Variants in LRBA observed in about 807,000 individuals in gnomAD.
LRBA encodes lipopolysaccharide-responsive and beige-like anchor protein.
In LRBA, 176 loss-of-function variants were observed where a neutral mutation model predicts 330.0. The observed-to-expected ratio is 0.53, with a 90% CI of 0.47 to 0.60. The LOEUF (loss-of-function observed/expected upper bound fraction) is 0.60. Ranked by LOEUF, LRBA falls within the 20% of genes least tolerant of loss-of-function variation. The probability of loss-of-function intolerance (pLI) is 0.00; values close to 1 mark genes in which losing one functional copy is unlikely to be tolerated. For missense variants in LRBA, 3,259 were observed against 3,444.8 expected, an observed-to-expected ratio of 0.95 and a Z score of 1.35; for synonymous variants, 1,230 against 1,193.0, an observed-to-expected ratio of 1.03 and a Z score of -0.64.
chr4:150,777,972 CAAAAAAAAAA>C (rs57988391), intron 34 of LRBA, among the ~76,000 whole-genome samples: 6 of 65,650 alleles, frequency 9.1e-5, no homozygotes, highest in South Asian at 5.9e-4. Flanking sequence ...GACTCTGTTT[CAAAAAAAAAA>C]AAAAAAAAAA....
intron 47 of LRBA, among the ~76,000 whole-genome samples, chr4:150,374,507 A>T (rs1358855253): frequency 1.3e-5 from 2 of 152,234 alleles, no homozygotes; most frequent in Non-Finnish European, 2.9e-5. Context: ...TGCTCTCTGT[A>T]CTATTACATG....
chr4:150,619,575 T>C (rs1183347602), intron 37 of LRBA, among the ~76,000 whole-genome samples: 1 of 152,142 alleles, frequency 6.6e-6, no homozygotes, highest in Non-Finnish European at 1.5e-5. Flanking sequence ...ATATCAACCA[T>C]CTTGTAACAG....
chr4:150,661,618 T>C (rs1190478209), intron 37 of LRBA, among the ~76,000 whole-genome samples: 1 of 152,034 alleles, frequency 6.6e-6, no homozygotes, highest in African/African-American at 2.4e-5. Context: ...TTTTATTTTA[T>C]TTTTATTTTT....
At chr4:151,005,458 A>C (rs930377136) in intron 2 of LRBA, among the ~76,000 whole-genome samples, 62 of 151,196 alleles carry the variant, frequency 4.1e-4, no homozygotes, top group Non-Finnish European at 6.5e-4. Flanking sequence ...AAAAAAAAAA[A>C]AAAAAACCCT....
chr4:150,657,092 C>T (rs1780266389), intron 37 of LRBA, among the ~76,000 whole-genome samples: 1 of 152,140 alleles, frequency 6.6e-6, no homozygotes, highest in Admixed American at 6.5e-5. Flanking sequence ...CAGCTTAGCA[C>T]AGAAGGGGGA....
At chr4:150,269,926 A>T (rs2034823854) in intron 56 of LRBA, among the ~76,000 whole-genome samples, 1 of 152,212 alleles carries the variant, frequency 6.6e-6, no homozygotes, top group African/African-American at 2.4e-5. Context: ...TCTGGGCAAA[A>T]GAGTGAGACC....
chr4:150,612,627 T>C (rs1379372696), intron 37 of LRBA, among the ~76,000 whole-genome samples: 2 of 152,214 alleles, frequency 1.3e-5, no homozygotes, highest in Admixed American at 1.3e-4. Flanking sequence ...TGGTTCTCAA[T>C]GACCATCTCT....
chr4:150,531,369 T>A (rs772005565), intron 40 of LRBA, among the ~76,000 whole-genome samples: 16 of 152,208 alleles, frequency 1.1e-4, no homozygotes, highest in Admixed American at 2.6e-4. Flanking sequence ...TTCCATTTAC[T>A]GTTCCCTCTG....
At chr4:150,349,904 A>C in intron 48 of LRBA, 88 bp downstream of exon 48, 1 of 1,157,410 alleles carries the variant, frequency 8.6e-7, no homozygotes, top group Non-Finnish European at 1.2e-6. Context: ...TTCATCACTA[A>C]AATCAAAGGA....
At chr4:150,401,813 A>G (rs1205567105) in intron 47 of LRBA, among the ~76,000 whole-genome samples, 1 of 152,092 alleles carries the variant, frequency 6.6e-6, no homozygotes, top group Non-Finnish European at 1.5e-5. Flanking sequence ...GAAGTATGTA[A>G]CTTACCTTAA....
At chr4:150,755,192 A>AAGAC (rs1248578707) in intron 35 of LRBA, among the ~76,000 whole-genome samples, 1 of 152,220 alleles carries the variant, frequency 6.6e-6, no homozygotes, top group African/African-American at 2.4e-5. Context: ...GCTCAGAAAG[A>AAGAC]AGACATGCAA....
At chr4:150,837,053 C>A (rs548084020) in intron 28 of LRBA, among the ~76,000 whole-genome samples, 1 of 152,154 alleles carries the variant, frequency 6.6e-6, no homozygotes, top group African/African-American at 2.4e-5. Flanking sequence ...TTGTTATGTA[C>A]CCAGTAGTCA....
intron 36 of LRBA, among the ~76,000 whole-genome samples, chr4:150,696,748 G>A (rs1310601128): frequency 1.3e-5 from 2 of 151,796 alleles, no homozygotes; most frequent in African/African-American, 4.8e-5. Flanking sequence ...GCTCATGTCT[G>A]TAATCCCAGC....
At chr4:150,747,729 C>T (rs1158142828) in intron 35 of LRBA, among the ~76,000 whole-genome samples, 1 of 152,156 alleles carries the variant, frequency 6.6e-6, no homozygotes, top group Admixed American at 6.5e-5. Flanking sequence ...TTCTTCATTG[C>T]CCACTTTGCT....
chr4:150,627,060 G>T lies in LRBA; in HGVS notation c.5922-27929C>A, dbSNP rs533759025. Among the ~76,000 whole-genome samples the T allele has an allele frequency of 2.4e-4, 37 of 152,082 alleles. 1 individual carries two copies. The highest frequency in any genetic ancestry group is 1.9e-3 in the South Asian group (9 of 4,830). On this transcript the variant is annotated intron_variant, in intron 37 of 56. Transcript: ENST00000651943. ...GTCATATAGTTTTGTAAAACAAAATGTAAGTTTATGCTCAACATCTCATAT... is the reference window on the plus strand; with the variant it reads ...GTCATATAGTTTTGTAAAACAAAATTTAAGTTTATGCTCAACATCTCATAT...
intron 40 of LRBA, among the ~76,000 whole-genome samples, chr4:150,557,105 T>G (rs1382940754): frequency 6.6e-6 from 1 of 152,122 alleles, no homozygotes; most frequent in Non-Finnish European, 1.5e-5. Context: ...AAGATGAGCC[T>G]TGAGCCTCTT....
At chr4:150,849,176 G>A (rs1750278829) in intron 25 of LRBA, among the ~76,000 whole-genome samples, 178 bp from the exon 26 acceptor site, 1 of 152,132 alleles carries the variant, frequency 6.6e-6, no homozygotes, top group Non-Finnish European at 1.5e-5. Flanking sequence ...AGGAGCAACA[G>A]AACCATACAG....
At chr4:150,366,381 T>C (rs765891923) in intron 47 of LRBA, among the ~76,000 whole-genome samples, 25 of 152,244 alleles carry the variant, frequency 1.6e-4, no homozygotes, top group Non-Finnish European at 3.1e-4. Context: ...TCTACCACTG[T>C]AGTTAAATTC....
chr4:150,470,947 C>T (rs928548467), intron 43 of LRBA, among the ~76,000 whole-genome samples: 3 of 151,968 alleles, frequency 2.0e-5, no homozygotes, highest in Non-Finnish European at 4.4e-5. Context: ...CTTACACACA[C>T]AGCCTCCAAG....
Sources: allele counts gnomAD v4.1 joint callset (sites outside exome capture counted in the v4.1 genomes callset), GRCh38; gene constraint gnomAD v4.1.1; transcripts MANE v1.5; gene names NCBI Gene and HGNC (gene_info 2026-07-23, HGNC 2026-07-21).